DCAF6: variants seen among roughly 807,000 people sequenced by gnomAD.
DCAF6 encodes DDB1- and CUL4-associated factor 6.
In DCAF6, 54 loss-of-function variants were observed where a neutral mutation model predicts 125.1. That is an observed-to-expected ratio of 0.43 (90% confidence interval 0.35 to 0.54). The LOEUF is 0.54. Ranked by LOEUF, DCAF6 falls within the 20% of genes least tolerant of loss-of-function variation. The pLI, the probability that DCAF6 is intolerant of heterozygous loss-of-function variation, is 0.01. For missense variants in DCAF6, 934 were observed against 1,161.7 expected, an observed-to-expected ratio of 0.80 and a Z score of 2.85; for synonymous variants, 371 against 390.4, an observed-to-expected ratio of 0.95 and a Z score of 0.58.
chr1:167,988,566 A>G (rs1185991301), intron 5 of DCAF6, among the ~76,000 whole-genome samples: 1 of 152,160 alleles, frequency 6.6e-6, no homozygotes, highest in Non-Finnish European at 1.5e-5. Context: ...TACATTATTA[A>G]GAGCACAGTA....
chr1:168,068,226 A>G (rs1692590994), intron 20 of DCAF6, 132 bp from the exon 21 acceptor site: 4 of 508,160 alleles, frequency 7.9e-6, no homozygotes, highest in Admixed American at 6.5e-5. Flanking sequence ...AGGCAGAAAT[A>G]TAGACATCAG....
At chr1:168,046,889 T>C (rs1297870572) in intron 16 of DCAF6, among the ~76,000 whole-genome samples, 1 of 152,120 alleles carries the variant, frequency 6.6e-6, no homozygotes, top group Non-Finnish European at 1.5e-5. Context: ...TAGAACATGA[T>C]ACGGAGGTCA....
the DCAF6 span, among the ~76,000 whole-genome samples, chr1:167,909,847 C>T: frequency 6.6e-6 from 1 of 152,180 alleles, no homozygotes. Context: ...GGCCATTTCT[C>T]TTACTGTCTC....
At chr1:167,935,708 T>C, upstream of DCAF6, 1 of 1,541,558 alleles carries the variant, frequency 6.5e-7, no homozygotes, top group Non-Finnish European at 8.8e-7. Flanking sequence ...AAGGTCTCGA[T>C]AAGGAGCCAT....
chr1:167,898,427 C>G, the DCAF6 span, among the ~76,000 whole-genome samples: 1 of 151,646 alleles, frequency 6.6e-6, no homozygotes, highest in African/African-American at 2.4e-5. Flanking sequence ...GGTGAAACCC[C>G]GTCTCTACTA....
intron 2 of DCAF6, among the ~76,000 whole-genome samples, chr1:167,959,490 A>G (rs1387689624): frequency 6.6e-6 from 1 of 152,210 alleles, no homozygotes; most frequent in Non-Finnish European, 1.5e-5. Context: ...TGTCCTTCAA[A>G]GTGACTGTAC....
the DCAF6 span, among the ~76,000 whole-genome samples, chr1:167,888,106 C>T: frequency 6.6e-6 from 1 of 152,122 alleles, no homozygotes; most frequent in Non-Finnish European, 1.5e-5. Flanking sequence ...GAGTTTATTT[C>T]TTGTTTCTCT....
chr1:168,019,836 C>G (rs778972485), intron 11 of DCAF6: 17 of 168,018 alleles, frequency 1.0e-4, no homozygotes, highest in Non-Finnish European at 2.0e-4. Context: ...CAAGCAGGCT[C>G]TAAACAACAC....
At chr1:168,023,976 A>T (rs549501397) in intron 12 of DCAF6, 1 of 152,104 alleles carries the variant, frequency 6.6e-6, no homozygotes, top group African/African-American at 2.4e-5. Context: ...GCTACTTGGG[A>T]GGCTGGGGCG....
At chr1:168,002,839 T>C (rs1682829358) in intron 8 of DCAF6, among the ~76,000 whole-genome samples, 2 of 152,168 alleles carry the variant, frequency 1.3e-5, no homozygotes, top group South Asian at 4.1e-4. Flanking sequence ...AGTATAAGAA[T>C]GCCCATTACC....
chr1:167,864,526 C>T, the DCAF6 span, among the ~76,000 whole-genome samples: 27 of 151,896 alleles, frequency 1.8e-4, no homozygotes, highest in African/African-American at 6.5e-4. Context: ...CCCCCTTCGC[C>T]CCCACAGTAG....
chr1:167,960,283 T>G (rs1675375343), intron 2 of DCAF6, among the ~76,000 whole-genome samples: 1 of 151,716 alleles, frequency 6.6e-6, no homozygotes, highest in Non-Finnish European at 1.5e-5. Flanking sequence ...ACAGTAAAAT[T>G]TTTATTATTA....
the DCAF6 span, among the ~76,000 whole-genome samples, chr1:167,888,414 T>G: frequency 6.6e-6 from 1 of 152,238 alleles, no homozygotes; most frequent in East Asian, 1.9e-4. Flanking sequence ...TCTTTCATTT[T>G]TTTTTTGTGG....
At chr1:168,025,633 C>A (rs1000938283) in intron 12 of DCAF6, among the ~76,000 whole-genome samples, 1 of 152,118 alleles carries the variant, frequency 6.6e-6, no homozygotes, top group African/African-American at 2.4e-5. Flanking sequence ...TGCAGGCTCA[C>A]ATTACCTAAA....
rs1380314648 is a variant in DCAF6, at chr1:167,991,322, T to A, written c.671T>A (p.Leu224Gln). The change falls in exon 6 of 22, where the codon CTG (leucine) becomes CAG (glutamine). Residue 224 changes from leucine (L) to glutamine (Q), a missense_variant. Physicochemically the swap from Leu to Gln is moderately radical, Grantham distance 113 (BLOSUM62 -2). Coordinates refer to ENST00000367840, the MANE Select transcript of DCAF6 (RefSeq NM_001198956.2). The stretch of plus-strand genomic sequence containing the variant: ...GTACGAATATATGATCGGCGAATGC[T>A]GGGCACAAGAGCTACAGGTAAGAAG... ...SSVRIYDRRM[L>Q]GTRATGNYAG... 6.2e-7 allele frequency: 1 copy of A among 1,612,620 alleles called. No individual in the cohort carries two copies. The highest frequency in any genetic ancestry group is 1.1e-5 in the South Asian group (1 of 90,840).
At chr1:167,894,665 C>G in the DCAF6 span, among the ~76,000 whole-genome samples, 2 of 151,816 alleles carry the variant, frequency 1.3e-5, no homozygotes, top group East Asian at 3.9e-4. Context: ...TGATTTGTAG[C>G]CTTTATAATA....
intron 7 of DCAF6, among the ~76,000 whole-genome samples, chr1:167,999,523 G>C (rs550990019): frequency 6.6e-6 from 1 of 152,138 alleles, no homozygotes; most frequent in Admixed American, 6.6e-5. Flanking sequence ...GAAATCTGTC[G>C]TTTAGGGTAG....
intron 2 of DCAF6, among the ~76,000 whole-genome samples, chr1:167,954,521 C>T (rs1207388655): frequency 2.0e-5 from 3 of 151,852 alleles, no homozygotes; most frequent in African/African-American, 4.8e-5. Context: ...GGCACAATCT[C>T]GGCTCACTGC....
At chr1:167,990,716 TTCTAGTA>T (rs1680706143) in intron 5 of DCAF6, among the ~76,000 whole-genome samples, 1 of 152,312 alleles carries the variant, frequency 6.6e-6, no homozygotes, top group East Asian at 1.9e-4. Context: ...GCTGGCGCTG[TTCTAGTA>T]TAATTACTCA....
Sources: allele counts gnomAD v4.1 joint callset (sites outside exome capture counted in the v4.1 genomes callset), GRCh38; gene constraint gnomAD v4.1.1; transcripts MANE v1.5; gene names NCBI Gene and HGNC (gene_info 2026-07-23, HGNC 2026-07-21).